The following APP variants were observed in gnomAD, a reference collection of about 807,000 sequenced individuals.
APP encodes amyloid-beta precursor protein.
Under a neutral mutation model 101.4 loss-of-function variants are expected in APP, and 31 were observed. The observed-to-expected ratio is 0.31, with a 90% confidence interval of 0.23 to 0.41. The LOEUF is 0.41. Among genes scored for constraint, APP ranks in the 10% least tolerant of loss-of-function variants. The probability of loss-of-function intolerance (pLI) is 1.00; values close to 1 mark genes in which losing one functional copy is unlikely to be tolerated. For synonymous variants in APP, 366 were observed against 364.4 expected (o/e 1.00, Z -0.05); for missense variants, 839 against 1,003.7 (o/e 0.84, Z 2.22).
At chr21:26,003,146 T>G (rs967257066) in intron 6 of APP, among the ~76,000 whole-genome samples, 2 of 152,248 alleles carry the variant, frequency 1.3e-5, no homozygotes, top group African/African-American at 4.8e-5. Context: ...ATAACAGCTA[T>G]GAAACCATTT....
chr21:25,988,491 C>G (rs543603953), intron 8 of APP, among the ~76,000 whole-genome samples: 1 of 152,164 alleles, frequency 6.6e-6, no homozygotes, highest in East Asian at 1.9e-4. Context: ...CACCTGAGGT[C>G]AGGAGTTTGA....
chr21:25,974,636 T>A (rs947513483), intron 11 of APP, among the ~76,000 whole-genome samples: 7 of 152,238 alleles, frequency 4.6e-5, no homozygotes, highest in Non-Finnish European at 1.0e-4. Context: ...CTTGGACTTC[T>A]CAGCCTCTGC....
In APP at chr21:26,048,123, C is replaced by T. The variant is rs145896504; in HGVS notation, c.662+2877G>A. On this transcript the variant is annotated intron_variant, in intron 5 of 17. Coordinates refer to ENST00000346798, the MANE Select transcript of APP (RefSeq NM_000484.4). The stretch of plus-strand genomic sequence containing the variant: ...CGAGGTCAGGAGTTCGAGATCAGCC[C>T]GGCCAACATGGTGAAACCCCACCTC... Among the ~76,000 whole-genome samples the T allele has an allele frequency of 8.8e-4, 133 of 151,158 alleles. 1 individual carries two copies. The highest frequency in any genetic ancestry group is 3.0e-3 in the African/African-American group (123 of 41,134).
At chr21:25,896,777 C>G (rs1469130267) in intron 16 of APP, among the ~76,000 whole-genome samples, 2 of 152,118 alleles carry the variant, frequency 1.3e-5, no homozygotes, top group South Asian at 2.1e-4. Flanking sequence ...ATGAATAACA[C>G]TATCGGGAAC....
chr21:25,972,743 G>T (rs577361586), intron 11 of APP, among the ~76,000 whole-genome samples: 1 of 151,954 alleles, frequency 6.6e-6, no homozygotes, highest in East Asian at 1.9e-4. Flanking sequence ...GAAGGAAAAT[G>T]ATACCAGCTG....
intron 3 of APP, among the ~76,000 whole-genome samples, chr21:26,057,765 T>C (rs1801988058): frequency 6.6e-6 from 1 of 152,220 alleles, no homozygotes; most frequent in Admixed American, 6.5e-5. Context: ...TCTCCAGTTC[T>C]CCATCCAAGA....
chr21:26,008,084 G>A lies in APP; in HGVS notation c.866-7902C>T, dbSNP rs140951056. ...CAAGAGGATGGTGCTAATTTGTCAC[G>A]GAAGTAACTAGAAGATATCCGCAGT... On this transcript the variant is annotated intron_variant, in intron 6 of 17. Transcript: ENST00000346798. Among the ~76,000 whole-genome samples the A allele has an allele frequency of 2.6e-5, 4 of 152,204 alleles. No individual in the cohort carries two copies. The East Asian group carries it at 5.8e-4, about 22-fold the overall frequency.
intron 10 of APP, 104 bp from the exon 11 acceptor site, chr21:25,975,332 TAA>T: frequency 6.9e-7 from 1 of 1,453,036 alleles, no homozygotes; most frequent in Non-Finnish European, 9.6e-7. Flanking sequence ...CTTCTAGTGC[TAA>T]AAAGTATCCT....
intron 13 of APP, among the ~76,000 whole-genome samples, chr21:25,944,363 G>A (rs1227834077): frequency 6.6e-6 from 1 of 152,138 alleles, no homozygotes; most frequent in Non-Finnish European, 1.5e-5. Flanking sequence ...TCATAACTTG[G>A]AACCGGTTAA....
At chr21:26,024,532 G>C (rs961683491) in intron 5 of APP, among the ~76,000 whole-genome samples, 2 of 152,136 alleles carry the variant, frequency 1.3e-5, no homozygotes, top group Non-Finnish European at 2.9e-5. Flanking sequence ...TACGACAATA[G>C]AAAGGAAGAC....
chr21:26,117,761 G>A (rs905193712), intron 1 of APP, among the ~76,000 whole-genome samples: 1 of 152,194 alleles, frequency 6.6e-6, no homozygotes, highest in Admixed American at 6.5e-5. Flanking sequence ...GAAACTGCAA[G>A]TGGTTTCTAT....
intron 15 of APP, among the ~76,000 whole-genome samples, chr21:25,900,826 A>G (rs1415179218): frequency 2.0e-5 from 3 of 151,786 alleles, no homozygotes; most frequent in Non-Finnish European, 2.9e-5. Flanking sequence ...CGTCTCTACT[A>G]AAAATACAAA....
In APP at chr21:26,000,157, C is replaced by A. The variant is rs773857944; in HGVS notation, c.891G>T (p.Thr297=). Reference sequence around the variant, plus strand: ...GGGAGATCATTGCTCGGCACGGCCCCGTCTCGGCTTGTTCAGAGCACACCT... The same window carrying A: ...GGGAGATCATTGCTCGGCACGGCCCAGTCTCGGCTTGTTCAGAGCACACCT... ...VREVCSEQAE[T]GPCRAMISRW... is the part of the protein sequence containing the mutation. Residue 297 remains threonine, a synonymous_variant, in exon 7 of 18, where the codon ACG becomes ACT. Coordinates refer to ENST00000346798, the MANE Select transcript of APP (RefSeq NM_000484.4). 5.0e-6 allele frequency: 8 copies of A among 1,614,222 alleles called. No individual in the cohort carries two copies. In the East Asian group the frequency reaches 1.3e-4, roughly 27 times the overall value.
At chr21:26,102,165 C>T (rs1038395091) in intron 2 of APP, among the ~76,000 whole-genome samples, 23 of 150,064 alleles carry the variant, frequency 1.5e-4, no homozygotes, top group Admixed American at 6.0e-4. Context: ...CTCGGCTCAC[C>T]GCAAGCTCCA....
chr21:26,139,943 T>G (rs1306447437), intron 1 of APP, among the ~76,000 whole-genome samples: 1 of 152,166 alleles, frequency 6.6e-6, no homozygotes, highest in Non-Finnish European at 1.5e-5. Context: ...AGTAAGAGTA[T>G]TTTACAAAGA....
intron 5 of APP, among the ~76,000 whole-genome samples, chr21:26,031,504 G>C (rs2044819724): frequency 6.6e-6 from 1 of 152,170 alleles, no homozygotes; most frequent in Non-Finnish European, 1.5e-5. Context: ...CACATGGCTG[G>C]GGAGGCCTCA....
chr21:26,112,300 A>C (rs776761725), intron 1 of APP, among the ~76,000 whole-genome samples, 154 bp from the exon 2 acceptor site: 9 of 152,230 alleles, frequency 5.9e-5, no homozygotes, highest in Admixed American at 1.3e-4. Flanking sequence ...ATTAAGTGTT[A>C]TGTATGCTAC....
chr21:26,021,907 T>C lies in APP; in HGVS notation c.798A>G (p.Thr266=). ...TGGTGGCAATGCTGGTGGTTCTCTC[T>C]GTGGCTTCTTCGTAGGGTTCCTCAG... ...EEAEEPYEEA[T]ERTTSIATTT... Residue 266 remains threonine, a synonymous_variant, in exon 6 of 18, where the codon ACA becomes ACG. Coordinates refer to ENST00000346798, the MANE Select transcript of APP (RefSeq NM_000484.4). The C allele has an allele frequency of 1.2e-6, 2 of 1,613,356 alleles. No individual in the cohort carries two copies. Among genetic ancestry groups the C allele is most frequent in the African/African-American group, 1.3e-5 (1 of 75,004 alleles).
At chr21:26,016,238 G>C (rs1443802019) in intron 6 of APP, among the ~76,000 whole-genome samples, 2 of 152,030 alleles carry the variant, frequency 1.3e-5, no homozygotes, top group African/African-American at 4.8e-5. Context: ...TCACCATGTT[G>C]GCCAGGCTGG....
Sources: gnomAD v4.1 joint callset for allele counts (sites outside exome capture counted in the v4.1 genomes callset) on GRCh38, gnomAD v4.1.1 for gene constraint, MANE v1.5 for transcripts, NCBI Gene and HGNC (gene_info 2026-07-23, HGNC 2026-07-21) for gene names.